The following SNX29 variants were observed in gnomAD, a reference collection of about 807,000 sequenced individuals.
SNX29 encodes the protein sorting nexin-29.
SNX29 carries 78 observed loss-of-function variants against 102.1 expected under a neutral mutation model. The ratio of observed to expected loss-of-function variants is 0.76; its 90% CI spans 0.64 to 0.92. SNX29 has a LOEUF of 0.92. SNX29 is among the 40% of genes least tolerant of loss of function. The pLI is 0.00. For synonymous variants in SNX29, 580 were observed against 414.5 expected (o/e 1.40, Z -4.85); for missense variants, 1,280 against 1,061.7 (o/e 1.21, Z -2.86).
intron 16 of SNX29, among the ~76,000 whole-genome samples, chr16:12,388,835 C>T (rs952273198): frequency 3.9e-5 from 6 of 152,136 alleles, no homozygotes; most frequent in East Asian, 1.9e-4. Context: ...CACACTTGCA[C>T]GTAGTGTTGG....
chr16:12,238,609 C>T (rs1163578772), intron 14 of SNX29, among the ~76,000 whole-genome samples: 1 of 152,236 alleles, frequency 6.6e-6, no homozygotes, highest in Non-Finnish European at 1.5e-5. Flanking sequence ...CAGGCTTGAG[C>T]CACCGCGTCC....
At chr16:12,399,704 A>G (rs1156863673) in intron 17 of SNX29, among the ~76,000 whole-genome samples, 1 of 151,116 alleles carries the variant, frequency 6.6e-6, no homozygotes, top group Non-Finnish European at 1.5e-5. Context: ...TCACGGGGCT[A>G]TTCATGTTGG....
At chr16:12,025,255 T>C (rs575356151) in intron 3 of SNX29, among the ~76,000 whole-genome samples, 64 of 135,900 alleles carry the variant, frequency 4.7e-4, no homozygotes, top group Non-Finnish European at 8.5e-4. Context: ...TGAGCCGAGA[T>C]TGTGCCATTG....
intron 19 of SNX29, among the ~76,000 whole-genome samples, chr16:12,509,852 C>T (rs760739603): frequency 4.6e-5 from 7 of 152,242 alleles, no homozygotes; most frequent in African/African-American, 9.6e-5. Context: ...TCACTGGTCA[C>T]TCTAAAGCCC....
At chr16:12,483,467 G>C (rs1408272462) in intron 19 of SNX29, among the ~76,000 whole-genome samples, 1 of 151,622 alleles carries the variant, frequency 6.6e-6, no homozygotes, top group Non-Finnish European at 1.5e-5. Flanking sequence ...ACAGGTGTGT[G>C]CCACCACGCC....
intron 4 of SNX29, among the ~76,000 whole-genome samples, chr16:12,033,188 T>C (rs8055073): frequency 0.73 from 111,526 of 152,038 alleles, 42,149 homozygotes; most frequent in African/African-American, 0.91. Context: ...AAAAGGTATA[T>C]AGCTTTAATT....
intron 8 of SNX29, 26 bp from the exon 9 acceptor site, chr16:12,061,502 C>T (rs2050773054): frequency 6.4e-7 from 1 of 1,558,084 alleles, no homozygotes; most frequent in Non-Finnish European, 8.7e-7. Context: ...TTTGGCCTGT[C>T]CTGCAGCTGT....
intron 14 of SNX29, among the ~76,000 whole-genome samples, chr16:12,223,070 C>T (rs750013655): frequency 6.6e-5 from 10 of 152,192 alleles, no homozygotes; most frequent in Non-Finnish European, 1.3e-4. Context: ...CACTAGTGAT[C>T]TGAAATGCGT....
chr16:12,005,838 T>C (rs1219211941), intron 3 of SNX29, among the ~76,000 whole-genome samples: 1 of 152,214 alleles, frequency 6.6e-6, no homozygotes, highest in Non-Finnish European at 1.5e-5. Flanking sequence ...AAGTATATAA[T>C]GCAAATATTC....
chr16:12,325,035 C>T (rs1039371490), intron 15 of SNX29, among the ~76,000 whole-genome samples: 3 of 152,120 alleles, frequency 2.0e-5, no homozygotes, highest in Non-Finnish European at 4.4e-5. Flanking sequence ...TCTTGTAGAA[C>T]GACAGCCTTG....
chr16:12,383,856 C>T (rs562968446), intron 16 of SNX29, among the ~76,000 whole-genome samples: 16 of 151,198 alleles, frequency 1.1e-4, no homozygotes, highest in Non-Finnish European at 1.6e-4. Context: ...TCCCTTCCTC[C>T]GCCCTCCTCC....
chr16:12,486,240 A>G (rs745575910), intron 19 of SNX29, among the ~76,000 whole-genome samples: 1 of 152,022 alleles, frequency 6.6e-6, no homozygotes, highest in African/African-American at 2.4e-5. Flanking sequence ...AGAGTTCTCC[A>G]CTTTGCAGTA....
chr16:12,019,757 C>T (rs932885517), intron 3 of SNX29, among the ~76,000 whole-genome samples: 2 of 151,884 alleles, frequency 1.3e-5, no homozygotes, highest in Non-Finnish European at 2.9e-5. Flanking sequence ...TTGGCTCAGC[C>T]TCCCAAGTAG....
intron 20 of SNX29, among the ~76,000 whole-genome samples, chr16:12,544,472 A>G (rs1053089118): frequency 1.2e-4 from 19 of 152,064 alleles, no homozygotes; most frequent in African/African-American, 4.6e-4. Flanking sequence ...GAAGAGGCCG[A>G]TTTTATGATT....
chr16:12,564,488 A>G (rs540470635), intron 20 of SNX29, among the ~76,000 whole-genome samples: 17 of 152,242 alleles, frequency 1.1e-4, no homozygotes, highest in Admixed American at 2.0e-4. Context: ...TCCAAGGTCT[A>G]GAGTGTCTTA....
chr16:12,320,337 C>T (rs1238945427), intron 15 of SNX29, among the ~76,000 whole-genome samples: 2 of 152,070 alleles, frequency 1.3e-5, no homozygotes, highest in Non-Finnish European at 2.9e-5. Context: ...AGGAGAGTCA[C>T]CGAGAGCCAG....
At chr16:12,463,141 C>G (rs576224147) in intron 18 of SNX29, among the ~76,000 whole-genome samples, 1 of 152,204 alleles carries the variant, frequency 6.6e-6, no homozygotes, top group African/African-American at 2.4e-5. Flanking sequence ...CACTGCTGCC[C>G]GTCAGCGGTC....
intron 14 of SNX29, among the ~76,000 whole-genome samples, chr16:12,230,728 A>G (rs2077742630): frequency 6.6e-6 from 1 of 152,218 alleles, no homozygotes; most frequent in Non-Finnish European, 1.5e-5. Flanking sequence ...ATACGTTAAT[A>G]CTGTGCCATC....
chr16:12,125,546 A>G (rs1293973309), intron 11 of SNX29, among the ~76,000 whole-genome samples: 2 of 145,944 alleles, frequency 1.4e-5, no homozygotes, highest in Non-Finnish European at 3.0e-5. Flanking sequence ...TGTTTCTCAC[A>G]GGTGGTTGCT....
Sources: allele counts gnomAD v4.1 joint callset (sites outside exome capture counted in the v4.1 genomes callset), GRCh38; gene constraint gnomAD v4.1.1; transcripts MANE v1.5; gene names NCBI Gene and HGNC (gene_info 2026-07-23, HGNC 2026-07-21).